ATP11B: variants seen among roughly 807,000 people sequenced by gnomAD.
The protein encoded by ATP11B is phospholipid-transporting ATPase IF.
In ATP11B, 81 loss-of-function variants were observed where a neutral mutation model predicts 157.8. The observed-to-expected ratio is 0.51, with a 90% CI of 0.43 to 0.62. The LOEUF is 0.62. Ranked by LOEUF, ATP11B falls within the 20% of genes least tolerant of loss-of-function variation. The pLI is 0.00. For missense variants in ATP11B, 1,165 were observed against 1,402.2 expected (o/e 0.83, Z 2.70); for synonymous variants, 451 against 469.4 (o/e 0.96, Z 0.51).
At chr3:182,863,162 C>T (rs1720975795) in intron 12 of ATP11B, among the ~76,000 whole-genome samples, 2 of 152,220 alleles carry the variant, frequency 1.3e-5, no homozygotes, top group South Asian at 4.1e-4. Flanking sequence ...CCTCGGCCTC[C>T]CAAAGTGCTG....
rs1020376195 is a variant in ATP11B at position 182,856,702 on chromosome 3, C to T, written c.852-1176C>T. Among the ~76,000 whole-genome samples the T allele has an allele frequency of 9.2e-5, 14 of 152,242 alleles. No individual in the cohort carries two copies. The South Asian group carries it at 2.9e-3, about 32-fold the overall frequency. ...CGAAAGCCAGTTCCTTTCTTACATT[C>T]CTTATTTACTGTCACAGCAGAATAT... On this transcript the variant is annotated intron_variant, in intron 10 of 29. Coordinates refer to ENST00000323116, the MANE Select transcript of ATP11B (RefSeq NM_014616.3).
At chr3:182,879,708 T>C in intron 20 of ATP11B, 59 bp downstream of exon 20, 1 of 1,456,096 alleles carries the variant, frequency 6.9e-7, no homozygotes, top group Non-Finnish European at 9.2e-7. Flanking sequence ...ACATATTATT[T>C]AAAGTTAATG....
intron 8 of ATP11B, among the ~76,000 whole-genome samples, chr3:182,844,812 A>G (rs533175551): frequency 6.6e-6 from 1 of 152,092 alleles, no homozygotes; most frequent in East Asian, 1.9e-4. Flanking sequence ...CTTCTGCCAC[A>G]CATTTTTAAA....
chr3:182,908,196 C>CTT (rs10716562), intron 28 of ATP11B, among the ~76,000 whole-genome samples: 2,557 of 70,756 alleles, frequency 0.036, 7 homozygotes, highest in Non-Finnish European at 0.045. Context: ...TTATTATTTT[C>CTT]TTTTTTTTTT....
At chr3:182,887,503 G>T (rs1722875529) in intron 23 of ATP11B, 83 bp from the exon 24 acceptor site, 2 of 1,185,356 alleles carry the variant, frequency 1.7e-6, no homozygotes, top group Admixed American at 2.8e-5. Flanking sequence ...CTTTAATTTT[G>T]TTTTTAATAT....
rs1367624517 is a variant in ATP11B, at chr3:182,832,166, ACAAT to A, written c.315+2417_315+2420del. On this transcript the variant is annotated intron_variant, in intron 4 of 29. Coordinates refer to ENST00000323116, the MANE Select transcript of ATP11B (RefSeq NM_014616.3). ...TTTAATATAATCATAATAATAATTG[ACAAT>A]CAGTCTCCTTCCAAAATTGGTTTAA... is the stretch of plus-strand genomic sequence containing the variant. Among the ~76,000 whole-genome samples, 6 of 152,330 alleles carry A rather than the reference ACAAT, an allele frequency of 3.9e-5. No individual in the cohort carries two copies. In the South Asian group the frequency reaches 6.2e-4, roughly 16 times the overall value.
chr3:182,795,077 C>T (rs1438489820), intron 1 of ATP11B, among the ~76,000 whole-genome samples: 1 of 152,098 alleles, frequency 6.6e-6, no homozygotes. Flanking sequence ...CTACCACTCC[C>T]TCCTACAAAT....
At chr3:182,875,527 C>T (rs760290693) in intron 19 of ATP11B, among the ~76,000 whole-genome samples, 4 of 152,150 alleles carry the variant, frequency 2.6e-5, no homozygotes, top group Non-Finnish European at 4.4e-5. Flanking sequence ...CCACAACCTC[C>T]GCCTTCCGGG....
intron 1 of ATP11B, among the ~76,000 whole-genome samples, chr3:182,801,741 T>C (rs187816006): frequency 1.3e-5 from 2 of 152,346 alleles, no homozygotes; most frequent in East Asian, 3.9e-4. Flanking sequence ...CAAATTCTTA[T>C]TTTTACAAGT....
chr3:182,914,133 CTT>C lies in ATP11B; in HGVS notation c.3452+141_3452+142del, dbSNP rs934205081. On this transcript the variant is annotated intron_variant, in intron 29 of 29. Transcript: ENST00000323116. ...AGGAAGTCTGCTATTTATTAGCACTCTTTGGTGGTAGATTTCACTTTGTGGCT... is the reference window on the plus strand; with the variant it reads ...AGGAAGTCTGCTATTTATTAGCACTCTGGTGGTAGATTTCACTTTGTGGCT... The C allele has an allele frequency of 1.1e-5, 17 of 1,479,036 alleles. No homozygotes were observed. In the African/African-American group the frequency reaches 1.6e-4, roughly 14 times the overall value. The allele number at this position is 1,479,036 out of a possible 1,614,324, so 91.6% of individuals were successfully genotyped here. A position where few individuals can be genotyped will look rare whatever the true frequency, so the allele number is the denominator to read the frequency against.
At chr3:182,866,202 C>T (rs2272117) in intron 13 of ATP11B, 66 bp from the exon 14 acceptor site, 121,445 of 1,251,706 alleles carry the variant, frequency 0.097, 6,212 homozygotes, top group Admixed American at 0.1. Context: ...AGAATTTTGC[C>T]TCTGGTTTCC....
chr3:182,899,280 T>G lies in ATP11B; in HGVS notation c.3318+508T>G, dbSNP rs536530209. On this transcript the variant is annotated intron_variant, in intron 28 of 29. Coordinates refer to ENST00000323116, the MANE Select transcript of ATP11B (RefSeq NM_014616.3). ...AAGCAATTCTCCTCTCTCAGCCTTG[T>G]GAGCTGGGATTACAGGCACCTGCCT... Among the ~76,000 whole-genome samples the G allele has an allele frequency of 6.6e-5, 10 of 151,554 alleles. No homozygotes were observed. In the East Asian group the frequency reaches 1.8e-3, roughly 27 times the overall value.
chr3:182,880,851 TAA>T, intron 20 of ATP11B, 26 bp from the exon 21 acceptor site: 1 of 1,475,570 alleles, frequency 6.8e-7, no homozygotes, highest in Non-Finnish European at 9.2e-7. Context: ...ACTTGCGTCA[TAA>T]ATAACCAATT....
At chr3:182,863,657 A>G (rs1302863752) in intron 12 of ATP11B, among the ~76,000 whole-genome samples, 1 of 152,024 alleles carries the variant, frequency 6.6e-6, no homozygotes, top group African/African-American at 2.4e-5. Flanking sequence ...GAAGGTTTAC[A>G]GTGATGACCT....
chr3:182,897,206 C>CTT, intron 26 of ATP11B, 97 bp from the exon 27 acceptor site: 1 of 668,022 alleles, frequency 1.5e-6, no homozygotes, highest in Non-Finnish European at 2.5e-6. Context: ...TTCTGAGAGA[C>CTT]TTTTAGATAC....
chr3:182,813,372 A>G (rs1248657472), intron 1 of ATP11B, among the ~76,000 whole-genome samples: 1 of 152,114 alleles, frequency 6.6e-6, no homozygotes, highest in African/African-American at 2.4e-5. Context: ...CATTTTTGCC[A>G]ATACTTATTT....
At chr3:182,899,816 C>A (rs7640162) in intron 28 of ATP11B, among the ~76,000 whole-genome samples, 73,030 of 151,960 alleles carry the variant, frequency 0.48, 20,371 homozygotes, top group African/African-American at 0.77. Context: ...ATTTAGTTGA[C>A]TGTGTCTTTT....
At chr3:182,870,268 CAA>C (rs942332317) in intron 17 of ATP11B, among the ~76,000 whole-genome samples, 3 of 152,194 alleles carry the variant, frequency 2.0e-5, no homozygotes, top group African/African-American at 4.8e-5. Context: ...CTTGTTAAAA[CAA>C]AGAGCCATCA....
intron 1 of ATP11B, among the ~76,000 whole-genome samples, chr3:182,811,595 T>A (rs1407527491): frequency 2.0e-5 from 3 of 152,258 alleles, no homozygotes; most frequent in African/African-American, 4.8e-5. Flanking sequence ...CTCTTAGCTA[T>A]AATAGAACTA....
Sources: allele counts gnomAD v4.1 joint callset (sites outside exome capture counted in the v4.1 genomes callset), GRCh38; gene constraint gnomAD v4.1.1; transcripts MANE v1.5; gene names NCBI Gene and HGNC (gene_info 2026-07-23, HGNC 2026-07-21).